The following ATPAF2 variants were observed in gnomAD, a reference collection of about 807,000 sequenced individuals.
ATPAF2 encodes ATP synthase mitochondrial F1 complex assembly factor 2.
In ATPAF2, 30 loss-of-function variants were observed where a neutral mutation model predicts 36.6. The ratio of observed to expected loss-of-function variants is 0.82; its 90% CI spans 0.61 to 1.11. ATPAF2 has a LOEUF of 1.11. Ranked by LOEUF, ATPAF2 falls within the 50% of genes most tolerant of loss-of-function variation. ATPAF2 has a pLI of 0.00. For missense variants in ATPAF2, 321 were observed against 372.3 expected (o/e 0.86, Z 1.13); for synonymous variants, 140 against 152.6 (o/e 0.92, Z 0.61).
chr17:18,024,550 G>C, intron 5 of ATPAF2, 74 bp downstream of exon 5: 10 of 1,294,802 alleles, frequency 7.7e-6, no homozygotes, highest in Middle Eastern at 2.0e-4. Context: ...GTTTTCCAGC[G>C]TGACCCCCTG....
At chr17:18,030,441 A>C (rs2044612255) in intron 1 of ATPAF2, among the ~76,000 whole-genome samples, 2 of 140,754 alleles carry the variant, frequency 1.4e-5, no homozygotes, top group African/African-American at 5.2e-5. Flanking sequence ...CAGGAGGCTG[A>C]GGCTTCAGGT....
chr17:18,018,731 T>C (rs1179504640), intron 7 of ATPAF2, 45 bp from the exon 8 acceptor site: 8 of 1,613,180 alleles, frequency 5.0e-6, no homozygotes, highest in Non-Finnish European at 5.1e-6. Context: ...GGCCAGTGCC[T>C]GGCTGCCTCC....
intron 1 of ATPAF2, among the ~76,000 whole-genome samples, chr17:18,036,114 C>T (rs57134764): frequency 0.024 from 3,582 of 152,268 alleles, 125 homozygotes; most frequent in African/African-American, 0.073. Context: ...TCGTAAACTC[C>T]TCCTCTCCTT....
At chr17:18,016,506 A>G (rs1250087625), downstream of ATPAF2, 3 of 1,303,856 alleles carry the variant, frequency 2.3e-6, no homozygotes, top group Non-Finnish European at 3.3e-6. Context: ...TCAGTGAAAG[A>G]TATTAACCAA....
intron 3 of ATPAF2, chr17:18,026,690 T>A (rs977040814): frequency 1.8e-6 from 1 of 549,228 alleles, no homozygotes; most frequent in Non-Finnish European, 3.3e-6. Flanking sequence ...ACATGCCTTT[T>A]ATTACCAGGC....
intron 1 of ATPAF2, among the ~76,000 whole-genome samples, chr17:18,038,030 A>G (rs2044729662): frequency 6.6e-6 from 1 of 152,240 alleles, no homozygotes; most frequent in African/African-American, 2.4e-5. Flanking sequence ...TCAGGATATT[A>G]TAAACCACAA....
chr17:18,016,812 C>A (rs1459165169), downstream of ATPAF2: 6 of 506,938 alleles, frequency 1.2e-5, no homozygotes, highest in Non-Finnish European at 2.1e-5. Context: ...CTTCCCCCAC[C>A]CCTGGAAAAA....
intron 1 of ATPAF2, among the ~76,000 whole-genome samples, chr17:18,033,798 C>T (rs772437180): frequency 1.3e-5 from 2 of 152,144 alleles, no homozygotes; most frequent in Non-Finnish European, 2.9e-5. Context: ...AGCCCAAATA[C>T]ATAAAGAACT....
Position 18,024,698 on chromosome 17 carries a change from C to T in ATPAF2, c.429G>A (p.Arg143=), listed in dbSNP as rs765703646. Residue 143 remains arginine, a synonymous_variant, in exon 5 of 8, where the codon AGG becomes AGA. Coordinates refer to ENST00000474627, the MANE Select transcript of ATPAF2 (RefSeq NM_145691.4). ...CCACTAATGTCTCGGGCTCCTCCAC[C>T]CTGTAGCTAATTCATTGTAAAAATA... is the stretch of plus-strand genomic sequence containing the variant. ...KFLDTDTICY[R]VEEPETLVEL... The T allele has an allele frequency of 1.2e-6, 2 of 1,612,978 alleles. No individual in the cohort carries two copies. The highest frequency in any genetic ancestry group is 4.5e-5 in the East Asian group (2 of 44,878).
chr17:18,021,523 A>C (rs2044468434), intron 6 of ATPAF2: 1 of 628,002 alleles, frequency 1.6e-6, no homozygotes, highest in Admixed American at 2.4e-5. Flanking sequence ...GGGCAATGAG[A>C]TTGAACTCAA....
chr17:18,020,534 A>G (rs893318876), intron 7 of ATPAF2, among the ~76,000 whole-genome samples: 22 of 152,216 alleles, frequency 1.4e-4, no homozygotes, highest in African/African-American at 5.3e-4. Flanking sequence ...CAGAGGTGCA[A>G]CCTTGCACCT....
intron 1 of ATPAF2, among the ~76,000 whole-genome samples, chr17:18,034,106 G>A (rs193219077): frequency 2.0e-5 from 3 of 151,976 alleles, no homozygotes; most frequent in Admixed American, 1.3e-4. Context: ...GCAACAGACC[G>A]AGGCCCTGTC....
intron 4 of ATPAF2, among the ~76,000 whole-genome samples, chr17:18,025,846 A>G (rs1343596670): frequency 1.3e-5 from 2 of 152,210 alleles, no homozygotes; most frequent in Non-Finnish European, 2.9e-5. Context: ...GTGCTGCTCA[A>G]TCATTTCCAT....
intron 5 of ATPAF2, 96 bp downstream of exon 5, chr17:18,024,528 C>G: frequency 9.8e-7 from 1 of 1,022,946 alleles, no homozygotes. Flanking sequence ...AGCTGACTAG[C>G]TAAGGGCACT....
At chr17:18,026,705 G>C (rs1358604060) in intron 3 of ATPAF2, 1 of 515,924 alleles carries the variant, frequency 1.9e-6, no homozygotes, top group African/African-American at 1.9e-5. Flanking sequence ...CCAGGCTCTA[G>C]TGTATTTAAT....
intron 4 of ATPAF2, chr17:18,025,505 C>G (rs778237792): frequency 1.9e-5 from 3 of 154,170 alleles, no homozygotes; most frequent in Non-Finnish European, 4.3e-5. Flanking sequence ...GATGGACAAC[C>G]AGCCTTTCCT....
chr17:18,026,733 C>A, intron 3 of ATPAF2: 2 of 447,894 alleles, frequency 4.5e-6, no homozygotes, highest in Non-Finnish European at 8.2e-6. Context: ...TCACAACAAC[C>A]TTTTGGAGTA....
At chr17:18,029,600 T>A (rs943851423) in intron 1 of ATPAF2, among the ~76,000 whole-genome samples, 1 of 150,880 alleles carries the variant, frequency 6.6e-6, no homozygotes. Context: ...TTATTATTAT[T>A]TTTTTTTTGA....
chr17:18,016,589 A>G (rs571557653), downstream of ATPAF2: 7 of 1,610,656 alleles, frequency 4.3e-6, no homozygotes, highest in African/African-American at 6.7e-5. Context: ...AGGAACCGCA[A>G]GCGCGTGAAG....
Sources: gnomAD v4.1 joint callset for allele counts (sites outside exome capture counted in the v4.1 genomes callset) on GRCh38, gnomAD v4.1.1 for gene constraint, MANE v1.5 for transcripts, NCBI Gene and HGNC (gene_info 2026-07-23, HGNC 2026-07-21) for gene names.